The following KHDRBS3 variants were observed in gnomAD, a reference collection of about 807,000 sequenced individuals.
The protein encoded by KHDRBS3 is KH RNA binding domain containing, signal transduction associated 3.
In KHDRBS3, 23 loss-of-function variants were observed where a neutral mutation model predicts 45.6. The observed-to-expected ratio is 0.50, with a 90% CI of 0.36 to 0.72. The LOEUF (loss-of-function observed/expected upper bound fraction) is 0.72, where lower values mean the gene tolerates loss of function less well. KHDRBS3 is among the 30% of genes least tolerant of loss of function. KHDRBS3 has a pLI of 0.00. For missense variants in KHDRBS3, 352 were observed against 424.8 expected, an observed-to-expected ratio of 0.83 and a Z score of 1.51; for synonymous variants, 162 against 156.5, an observed-to-expected ratio of 1.04 and a Z score of -0.26.
chr8:135,635,057 T>C (rs1326838006), intron 7 of KHDRBS3, among the ~76,000 whole-genome samples: 2 of 152,244 alleles, frequency 1.3e-5, no homozygotes, highest in East Asian at 3.8e-4. Context: ...CAACATGCTT[T>C]AATGTATGTG....
intron 8 of KHDRBS3, among the ~76,000 whole-genome samples, 166 bp from the exon 9 acceptor site, chr8:135,646,827 A>C (rs541699039): frequency 6.6e-6 from 1 of 152,308 alleles, no homozygotes; most frequent in African/African-American, 2.4e-5. Flanking sequence ...TTGTGTTTGT[A>C]ATTTATTTAA....
At chr8:135,559,909 A>G (rs1827085376) in intron 5 of KHDRBS3, among the ~76,000 whole-genome samples, 1 of 152,160 alleles carries the variant, frequency 6.6e-6, no homozygotes. Flanking sequence ...CAGAAAATGC[A>G]TATAGATAAG....
At chr8:135,521,105 A>C (rs1824880907) in intron 1 of KHDRBS3, 132 bp from the exon 2 acceptor site, 1 of 633,650 alleles carries the variant, frequency 1.6e-6, no homozygotes, top group Admixed American at 2.6e-5. Flanking sequence ...AATGTACTTG[A>C]AAACATTTGC....
intron 5 of KHDRBS3, among the ~76,000 whole-genome samples, chr8:135,577,105 C>CG (rs1028821800): frequency 1.4e-5 from 2 of 138,890 alleles, no homozygotes; most frequent in African/African-American, 5.5e-5. Context: ...TGCTTATTTA[C>CG]GGTTTTTTTT....
At chr8:135,479,442 C>T (rs988113692) in intron 1 of KHDRBS3, among the ~76,000 whole-genome samples, 12 of 152,092 alleles carry the variant, frequency 7.9e-5, no homozygotes, top group Non-Finnish European at 1.8e-4. Context: ...CTGTCTTAGT[C>T]CTTTGGCATG....
intron 1 of KHDRBS3, among the ~76,000 whole-genome samples, chr8:135,465,628 T>C (rs1184738512): frequency 6.6e-6 from 1 of 152,190 alleles, no homozygotes; most frequent in Non-Finnish European, 1.5e-5. Flanking sequence ...GAAGCTTCCA[T>C]AAACAGTTTT....
chr8:135,631,969 A>T (rs1239551188), intron 7 of KHDRBS3, among the ~76,000 whole-genome samples: 4 of 152,206 alleles, frequency 2.6e-5, no homozygotes, highest in Non-Finnish European at 5.9e-5. Flanking sequence ...CGATAGAAAT[A>T]TTTCAGCTCC....
At chr8:135,510,590 A>G (rs555800638) in intron 1 of KHDRBS3, among the ~76,000 whole-genome samples, 1 of 152,278 alleles carries the variant, frequency 6.6e-6, no homozygotes, top group Admixed American at 6.5e-5. Flanking sequence ...ACACGCCACC[A>G]TGCCCGGCTA....
intron 6 of KHDRBS3, chr8:135,593,316 T>A (rs1158829412): frequency 3.3e-5 from 5 of 152,228 alleles, no homozygotes; most frequent in Admixed American, 6.5e-5. Flanking sequence ...CATATTTACT[T>A]GTTTATTTTA....
intron 2 of KHDRBS3, among the ~76,000 whole-genome samples, chr8:135,523,625 C>G (rs1825029160): frequency 1.3e-5 from 2 of 152,116 alleles, no homozygotes; most frequent in Admixed American, 6.5e-5. Context: ...GCTAATATCT[C>G]CAGTGTAATG....
At chr8:135,627,068 G>A (rs944119936) in intron 7 of KHDRBS3, among the ~76,000 whole-genome samples, 1 of 152,106 alleles carries the variant, frequency 6.6e-6, no homozygotes, top group Admixed American at 6.5e-5. Context: ...CCTTATTTCC[G>A]AATGCATTGC....
rs556913764 is a variant in KHDRBS3, at chr8:135,622,168, A to G, written c.890+15131A>G. Among the ~76,000 whole-genome samples the G allele has an allele frequency of 1.5e-3, 226 of 152,176 alleles. 1 individual carries two copies. Among genetic ancestry groups the G allele is most frequent in the African/African-American group, 4.9e-3 (202 of 41,522 alleles). On this transcript the variant is annotated intron_variant, in intron 7 of 8. Transcript: ENST00000355849. ...GATCAATGTCTGTCTTCTTTTTTCA[A>G]TCTATTCACTGTCCCCTCCCCCAGT...
intron 6 of KHDRBS3, among the ~76,000 whole-genome samples, chr8:135,602,304 A>G (rs112799264): frequency 5.7e-4 from 87 of 152,328 alleles, no homozygotes; most frequent in African/African-American, 1.9e-3. Flanking sequence ...CCACTGAACA[A>G]ATAATACTCG....
intron 2 of KHDRBS3, chr8:135,541,952 G>T (rs1445536499): frequency 6.6e-6 from 1 of 152,140 alleles, no homozygotes; most frequent in Non-Finnish European, 1.5e-5. Context: ...GGTATAGACA[G>T]GTTAGGTAAC....
chr8:135,469,532 T>TTTG (rs1563699814), intron 1 of KHDRBS3, among the ~76,000 whole-genome samples: 70 of 44,928 alleles, frequency 1.6e-3, no homozygotes, highest in African/African-American at 4.3e-3. Flanking sequence ...GGTTTTTTTT[T>TTTG]TTTTTTTTTT....
In KHDRBS3 at chr8:135,573,525, C is replaced by T. The variant is rs535817726; in HGVS notation, c.612-8353C>T. On this transcript the variant is annotated intron_variant, in intron 5 of 8. Transcript: ENST00000355849. Reference sequence around the variant, plus strand: ...CTTTACATACCCAGGGTGTAAACATCGCAGCTATTCTGCCATAGGATTTAT... The same window carrying T: ...CTTTACATACCCAGGGTGTAAACATTGCAGCTATTCTGCCATAGGATTTAT... Among the ~76,000 whole-genome samples the T allele has an allele frequency of 5.9e-5, 9 of 152,230 alleles. No homozygotes were observed. The East Asian group carries it at 1.4e-3, about 23-fold the overall frequency.
intron 7 of KHDRBS3, among the ~76,000 whole-genome samples, chr8:135,636,378 A>G (rs1830813760): frequency 6.6e-6 from 1 of 152,258 alleles, no homozygotes; most frequent in Admixed American, 6.5e-5. Context: ...GAAAAGAAAA[A>G]GAATTCTCAT....
intron 2 of KHDRBS3, chr8:135,539,216 A>G (rs1428551271): frequency 6.6e-6 from 1 of 152,260 alleles, no homozygotes; most frequent in African/African-American, 2.4e-5. Flanking sequence ...TAAACATGCT[A>G]AATATTTCCA....
intron 7 of KHDRBS3, among the ~76,000 whole-genome samples, chr8:135,635,112 A>G (rs957002764): frequency 1.3e-5 from 2 of 152,232 alleles, no homozygotes; most frequent in African/African-American, 4.8e-5. Flanking sequence ...TAAAACAAAC[A>G]TTTAAAAAAT....
Sources: gnomAD v4.1 joint callset for allele counts (sites outside exome capture counted in the v4.1 genomes callset) on GRCh38, gnomAD v4.1.1 for gene constraint, MANE v1.5 for transcripts, NCBI Gene and HGNC (gene_info 2026-07-23, HGNC 2026-07-21) for gene names.